CHD6: variants seen among roughly 807,000 people sequenced by gnomAD.
CHD6 encodes the protein ATP-dependent chromatin remodeler CHD6.
A neutral mutation model predicts 276.9 loss-of-function variants in CHD6; 50 were observed. The observed-to-expected ratio is 0.18, with a 90% confidence interval of 0.14 to 0.23. The LOEUF (loss-of-function observed/expected upper bound fraction) is 0.23. Ranked by LOEUF, CHD6 falls within the 10% of genes least tolerant of loss-of-function variation. The pLI is 1.00. For missense variants in CHD6, 2,564 were observed against 3,365.8 expected (o/e 0.76, Z 5.89); for synonymous variants, 1,173 against 1,229.3 (o/e 0.95, Z 0.96).
chr20:41,587,848 A>T (rs371623357), intron 1 of CHD6, among the ~76,000 whole-genome samples: 134 of 152,072 alleles, frequency 8.8e-4, no homozygotes, highest in African/African-American at 3.1e-3. Flanking sequence ...ACCCAAAAAA[A>T]CCCTGCTGGG....
chr20:41,614,984 G>C (rs982017960), intron 1 of CHD6, among the ~76,000 whole-genome samples: 1 of 152,182 alleles, frequency 6.6e-6, no homozygotes, highest in African/African-American at 2.4e-5. Context: ...AAGTAAAAAT[G>C]GATGCACGTG....
At chr20:41,562,855 A>T (rs550220475) in intron 1 of CHD6, among the ~76,000 whole-genome samples, 1 of 151,928 alleles carries the variant, frequency 6.6e-6, no homozygotes, top group East Asian at 1.9e-4. Flanking sequence ...CAAAAGAGAA[A>T]GATCTTACAC....
At position 41,427,119 on chromosome 20, in the gene CHD6, C is replaced by G. The variant is rs1378700524; in HGVS notation, c.4069-966G>C. Among the ~76,000 whole-genome samples the G allele has an allele frequency of 2.0e-5, 3 of 151,788 alleles. No homozygotes were observed. In the East Asian group the frequency reaches 5.8e-4, roughly 30 times the overall value. ...AAAAAAAGGGAGGAAGAATATGCAA[C>G]AGAAGCCATATATGGCCTTCTAGCC... On this transcript the variant is annotated intron_variant, in intron 27 of 36. Coordinates refer to ENST00000373233, the MANE Select transcript of CHD6 (RefSeq NM_032221.5).
chr20:41,489,839 T>C lies in CHD6; in HGVS notation c.1619A>G (p.His540Arg). Reference protein sequence around the residue: ...TWTEMNAIVYHGSQISRQMIQ... With the variant: ...TWTEMNAIVYRGSQISRQMIQ... ...CATCTGCCTGCTGATCTGGCTGCCG[T>C]GGTACACAATGGCATTCATCTCTGT... The change falls in exon 12 of 37, where the codon CAC becomes CGC. Residue 540 changes from histidine to arginine, a missense_variant. Physicochemically the swap from His to Arg is conservative, Grantham distance 29. Transcript: ENST00000373233. The C allele has an allele frequency of 6.2e-7, 1 of 1,613,956 alleles. No homozygotes were observed.
chr20:41,459,066 G>C (rs1180959990), intron 17 of CHD6, among the ~76,000 whole-genome samples: 1 of 152,124 alleles, frequency 6.6e-6, no homozygotes, highest in Non-Finnish European at 1.5e-5. Flanking sequence ...GTTTGAGTTG[G>C]ATTTGAAGTT....
chr20:41,589,118 A>G (rs552599514), intron 1 of CHD6, among the ~76,000 whole-genome samples: 2 of 152,204 alleles, frequency 1.3e-5, no homozygotes, highest in East Asian at 3.9e-4. Context: ...GACAAAAACC[A>G]CATGATTATC....
At chr20:41,588,245 C>T (rs1341615296) in intron 1 of CHD6, among the ~76,000 whole-genome samples, 1 of 152,160 alleles carries the variant, frequency 6.6e-6, no homozygotes, top group Non-Finnish European at 1.5e-5. Flanking sequence ...GAACAACAGA[C>T]CACAAAATCT....
chr20:41,506,462 T>C (rs1365596244), intron 5 of CHD6, among the ~76,000 whole-genome samples: 1 of 152,080 alleles, frequency 6.6e-6, no homozygotes, highest in African/African-American at 2.4e-5. Context: ...CCTGCACAAC[T>C]CCCTCTCTCC....
chr20:41,499,482 C>T, intron 5 of CHD6, 125 bp from the exon 6 acceptor site: 2 of 700,308 alleles, frequency 2.9e-6, no homozygotes, highest in South Asian at 3.9e-5. Flanking sequence ...ACCAAGGCCT[C>T]CCATCAGGCC....
At chr20:41,418,790 G>C (rs964549772) in intron 31 of CHD6, among the ~76,000 whole-genome samples, 4 of 152,102 alleles carry the variant, frequency 2.6e-5, no homozygotes, top group African/African-American at 7.2e-5. Context: ...TCCAGGGTCT[G>C]CAAAAGCACT....
At chr20:41,564,039 G>A (rs762088471) in intron 1 of CHD6, 17 of 779,268 alleles carry the variant, frequency 2.2e-5, no homozygotes, top group South Asian at 2.0e-4. Context: ...AGATATCTGG[G>A]TTCTGAACAC....
At chr20:41,549,679 C>T (rs1389922236) in intron 2 of CHD6, among the ~76,000 whole-genome samples, 1 of 150,010 alleles carries the variant, frequency 6.7e-6, no homozygotes, top group Non-Finnish European at 1.5e-5. Flanking sequence ...ATTTTGGGTC[C>T]ATAAAAAAAA....
At chr20:41,478,370 G>A (rs1438225595) in intron 16 of CHD6, among the ~76,000 whole-genome samples, 4 of 152,096 alleles carry the variant, frequency 2.6e-5, no homozygotes, top group African/African-American at 4.8e-5. Flanking sequence ...CAAAATGAAT[G>A]AACAGAAAAA....
At chr20:41,420,430 C>G (rs895218836) in intron 31 of CHD6, 78 bp downstream of exon 31, 4 of 1,456,486 alleles carry the variant, frequency 2.7e-6, no homozygotes, top group Non-Finnish European at 3.7e-6. Context: ...ATATGAAGCA[C>G]TCTCTCCCCT....
At chr20:41,555,234 G>C (rs1223590325) in intron 1 of CHD6, among the ~76,000 whole-genome samples, 1 of 135,398 alleles carries the variant, frequency 7.4e-6, no homozygotes, top group Non-Finnish European at 1.5e-5. Context: ...CGGGTGGGGG[G>C]CTGACCCCCC....
intron 5 of CHD6, among the ~76,000 whole-genome samples, chr20:41,500,296 G>A (rs1426030964): frequency 6.6e-6 from 1 of 152,088 alleles, no homozygotes; most frequent in Admixed American, 6.6e-5. Flanking sequence ...CCATTCTAGG[G>A]TGTAAAGCCA....
At chr20:41,525,273 C>T (rs1006101427) in intron 3 of CHD6, among the ~76,000 whole-genome samples, 2 of 152,214 alleles carry the variant, frequency 1.3e-5, no homozygotes, top group African/African-American at 4.8e-5. Flanking sequence ...CTAGCCCCTT[C>T]CCCAGGGCAA....
intron 32 of CHD6, among the ~76,000 whole-genome samples, 162 bp downstream of exon 32, chr20:41,417,036 G>A (rs574914616): frequency 3.9e-5 from 6 of 152,254 alleles, no homozygotes; most frequent in South Asian, 4.1e-4. Context: ...TTAGTTAAGC[G>A]CATGTATCTT....
chr20:41,472,683 T>C (rs1313884281), intron 17 of CHD6, among the ~76,000 whole-genome samples: 1 of 152,234 alleles, frequency 6.6e-6, no homozygotes, highest in Non-Finnish European at 1.5e-5. Context: ...AACTCCAAAC[T>C]GGACCCTGCC....
Sources: allele counts gnomAD v4.1 joint callset (sites outside exome capture counted in the v4.1 genomes callset), GRCh38; gene constraint gnomAD v4.1.1; transcripts MANE v1.5; gene names NCBI Gene and HGNC (gene_info 2026-07-23, HGNC 2026-07-21).